The following ZFHX3 variants were observed in gnomAD, a reference collection of about 807,000 sequenced individuals.
The protein encoded by ZFHX3 is zinc finger homeobox 3, also known as zinc finger homeobox protein 3.
ZFHX3 carries 42 observed loss-of-function variants against 279.1 expected under a neutral mutation model. The ratio of observed to expected loss-of-function variants is 0.15; its 90% confidence interval spans 0.12 to 0.19. The LOEUF is 0.19. ZFHX3 is among the 10% of genes least tolerant of loss of function. The pLI, the probability that ZFHX3 is intolerant of heterozygous loss-of-function variation, is 1.00. For synonymous variants in ZFHX3, 2,293 were observed against 1,957.8 expected (o/e 1.17, Z -4.52); for missense variants, 4,981 against 4,754.0 (o/e 1.05, Z -1.40).
chr16:73,837,729 C>T (rs907600788), intron 1 of ZFHX3, among the ~76,000 whole-genome samples: 10 of 152,280 alleles, frequency 6.6e-5, no homozygotes, highest in Middle Eastern at 3.4e-3. Context: ...ACATCCTTTC[C>T]GCGTTCAAGC....
intron 1 of ZFHX3, among the ~76,000 whole-genome samples, chr16:73,872,235 G>A (rs2142401655): frequency 6.6e-6 from 1 of 151,804 alleles, no homozygotes; most frequent in East Asian, 1.9e-4. Context: ...ATAAAAGAGA[G>A]GACATCCCTG....
intron 1 of ZFHX3, among the ~76,000 whole-genome samples, chr16:73,856,765 C>T (rs1961739667): frequency 6.6e-6 from 1 of 152,214 alleles, no homozygotes; most frequent in Non-Finnish European, 1.5e-5. Flanking sequence ...ACCAGCCTGC[C>T]CTCTGCCTCC....
intron 5 of ZFHX3, among the ~76,000 whole-genome samples, chr16:73,212,552 G>T (rs1191190987): frequency 6.6e-6 from 1 of 152,196 alleles, no homozygotes; most frequent in African/African-American, 2.4e-5. Flanking sequence ...GCTTCTAACT[G>T]CTGTGCTCTG....
rs139883984 is a variant in ZFHX3 at position 73,203,210 on chromosome 16, A to T, written c.-1104+53837T>A. Among the ~76,000 whole-genome samples, 16 of 152,206 alleles carry T rather than the reference A, an allele frequency of 1.1e-4. 1 individual carries two copies. The East Asian group carries it at 3.1e-3, about 29-fold the overall frequency. ...CCTTGAGGGTCGAGACTATGCATCA[A>T]CTGACTTTGCATTCCTTTTGCTTAC... On this transcript the variant is annotated intron_variant, in intron 5 of 17. Coordinates refer to the ZFHX3 transcript ENST00000641206.
intron 4 of ZFHX3, among the ~76,000 whole-genome samples, chr16:73,315,628 C>A (rs1327756578): frequency 1.3e-5 from 2 of 151,978 alleles, no homozygotes; most frequent in Non-Finnish European, 2.9e-5. Flanking sequence ...GAAACAGACC[C>A]AAACAGAAAT....
At chr16:73,038,547 C>T (rs1459881719) in intron 1 of ZFHX3, among the ~76,000 whole-genome samples, 3 of 152,136 alleles carry the variant, frequency 2.0e-5, no homozygotes, top group Admixed American at 6.5e-5. Flanking sequence ...TGGTTCTGAG[C>T]GTTGAGACCA....
intron 7 of ZFHX3, among the ~76,000 whole-genome samples, chr16:73,129,387 C>CACACAA (rs1966632802): frequency 6.7e-6 from 1 of 150,282 alleles, no homozygotes; most frequent in Admixed American, 6.6e-5. Flanking sequence ...CTGACACACA[C>CACACAA]ACACACACAC....
At chr16:73,255,562 T>A (rs190534121) in intron 5 of ZFHX3, among the ~76,000 whole-genome samples, 84 of 152,270 alleles carry the variant, frequency 5.5e-4, no homozygotes, top group African/African-American at 1.7e-3. Context: ...CCAATTCCCT[T>A]TATTTGATGC....
intron 4 of ZFHX3, among the ~76,000 whole-genome samples, chr16:72,868,956 A>G (rs2038087773): frequency 6.6e-6 from 1 of 150,412 alleles, no homozygotes; most frequent in Non-Finnish European, 1.5e-5. Flanking sequence ...ATGATTTGAC[A>G]TGAAAGGAAG....
At chr16:73,387,592 T>C (rs780639515) in intron 3 of ZFHX3, among the ~76,000 whole-genome samples, 2 of 152,110 alleles carry the variant, frequency 1.3e-5, no homozygotes, top group Non-Finnish European at 2.9e-5. Flanking sequence ...AAAAATAGCC[T>C]CTTTTCAATA....
intron 2 of ZFHX3, among the ~76,000 whole-genome samples, chr16:73,559,139 C>T (rs1387234993): frequency 6.6e-6 from 1 of 151,856 alleles, no homozygotes; most frequent in East Asian, 1.9e-4. Context: ...CTTTGAACTC[C>T]GGGGCTCAAG....
intron 1 of ZFHX3, among the ~76,000 whole-genome samples, chr16:73,818,285 A>AG: frequency 6.6e-6 from 1 of 152,168 alleles, no homozygotes; most frequent in Non-Finnish European, 1.5e-5. Context: ...ATCTCTTGTA[A>AG]GGGGGGAAAA....
chr16:73,054,365 C>T (rs1250557113), intron 1 of ZFHX3, among the ~76,000 whole-genome samples: 4 of 151,270 alleles, frequency 2.6e-5, no homozygotes, highest in African/African-American at 4.9e-5. Context: ...TCCCCTCCCC[C>T]ACACCCGCCC....
chr16:72,861,040 C>T (rs1339788685), intron 4 of ZFHX3, among the ~76,000 whole-genome samples: 1 of 152,168 alleles, frequency 6.6e-6, no homozygotes, highest in East Asian at 1.9e-4. Flanking sequence ...AACGGGTCAG[C>T]AGATGCTTTT....
At chr16:73,609,443 G>C (rs2052223392) in intron 2 of ZFHX3, 1 of 152,188 alleles carries the variant, frequency 6.6e-6, no homozygotes, top group Non-Finnish European at 1.5e-5. Context: ...GAGCGGACTA[G>C]AAATTGAAAG....
At chr16:73,585,437 T>G (rs2051915184) in intron 2 of ZFHX3, among the ~76,000 whole-genome samples, 1 of 151,960 alleles carries the variant, frequency 6.6e-6, no homozygotes, top group Admixed American at 6.6e-5. Flanking sequence ...AAACACACAC[T>G]GGGGCTTGTC....
rs547344070 is a variant in ZFHX3, at chr16:72,878,447, A to G, written c.3448+11284T>C. Among the ~76,000 whole-genome samples the G allele has an allele frequency of 2.5e-4, 38 of 152,286 alleles. No individual in the cohort carries two copies. The South Asian group carries it at 6.0e-3, about 24-fold the overall frequency. On this transcript the variant is annotated intron_variant, in intron 4 of 9. Coordinates refer to ENST00000268489, the MANE Select transcript of ZFHX3 (RefSeq NM_006885.4). ...CCTCCCCATGCTGTGGGGCTTCTCA[A>G]TGCTTCTGAAATGGACTCACACAAG... is the stretch of plus-strand genomic sequence containing the variant.
Position 72,795,164 on chromosome 16 carries a change from G to A in ZFHX3, c.7518C>T (p.His2506=), listed in dbSNP as rs753712408. 46 of 1,611,708 alleles carry A rather than the reference G, an allele frequency of 2.9e-5. 1 individual carries two copies. The highest frequency in any genetic ancestry group is 2.3e-4 in the South Asian group (21 of 90,658). Residue 2506 remains histidine (H), a synonymous_variant, in exon 9 of 10, where the codon CAC becomes CAT. Transcript: ENST00000268489. ...QSSPSPSQLS[H]LPLKPLHTST... ...ATGTGTGGAGGGGCTTGAGGGGCAG[G>A]TGGGAGAGCTGGGAAGGACTGGGGC... is the stretch of plus-strand genomic sequence containing the variant.
intron 3 of ZFHX3, among the ~76,000 whole-genome samples, chr16:73,442,816 G>T (rs2018117471): frequency 6.6e-6 from 1 of 152,178 alleles, no homozygotes; most frequent in Non-Finnish European, 1.5e-5. Context: ...GGCAATGGGT[G>T]TTTGGGAAAT....
Sources: allele counts gnomAD v4.1 joint callset (sites outside exome capture counted in the v4.1 genomes callset), GRCh38; gene constraint gnomAD v4.1.1; transcripts MANE v1.5; gene names NCBI Gene and HGNC (gene_info 2026-07-23, HGNC 2026-07-21).